The following MOBP variants were observed in gnomAD, a reference collection of about 807,000 sequenced individuals.
MOBP encodes the protein myelin-associated oligodendrocyte basic protein.
In MOBP, 5 loss-of-function variants were observed where a neutral mutation model predicts 15.0. That is an observed-to-expected ratio of 0.33 (90% confidence interval 0.17 to 0.70). The LOEUF is 0.70. Ranked by LOEUF, MOBP falls within the 30% of genes least tolerant of loss-of-function variation. The probability of loss-of-function intolerance (pLI) is 0.67; values close to 1 mark genes in which losing one functional copy is unlikely to be tolerated. For synonymous variants in MOBP, 88 were observed against 99.0 expected (o/e 0.89, Z 0.66); for missense variants, 188 against 257.8 (o/e 0.73, Z 1.85).
chr3:39,500,153 A>G (rs538720532), intron 2 of MOBP: 3 of 447,172 alleles, frequency 6.7e-6, no homozygotes, highest in Non-Finnish European at 1.3e-5. Flanking sequence ...CAGTAAATGA[A>G]GTTTTTCTGG....
Position 39,489,134 on chromosome 3 carries a change from T to C in MOBP, c.-5+9011T>C, listed in dbSNP as rs78501125. Among the ~76,000 whole-genome samples the C allele has an allele frequency of 1.7e-3, 261 of 152,326 alleles. 3 individuals are homozygous for C. Among genetic ancestry groups the C allele is most frequent in the African/African-American group, 5.9e-3 (247 of 41,564 alleles). Reference sequence around the variant, plus strand: ...CTCAAGGCCTCTGTCTGTAACTGTTTCCTCCCTCATGTATGGGTGGCTCCC... The same window carrying C: ...CTCAAGGCCTCTGTCTGTAACTGTTCCCTCCCTCATGTATGGGTGGCTCCC... On this transcript the variant is annotated intron_variant, in intron 2 of 3. Coordinates refer to ENST00000684792, the MANE Select transcript of MOBP (RefSeq NM_001393704.1).
chr3:39,521,254 C>A (rs1238004137), intron 3 of MOBP, among the ~76,000 whole-genome samples: 1 of 152,116 alleles, frequency 6.6e-6, no homozygotes, highest in African/African-American at 2.4e-5. Context: ...CCTGGCCAGA[C>A]AGCTGTATAT....
chr3:39,521,671 A>C (rs1361004585), intron 3 of MOBP, among the ~76,000 whole-genome samples: 1 of 152,240 alleles, frequency 6.6e-6, no homozygotes, highest in East Asian at 1.9e-4. Flanking sequence ...GTAAAAAATG[A>C]AACAGTATTA....
chr3:39,527,409 C>T (rs1173401783), downstream of MOBP: 3 of 151,194 alleles, frequency 2.0e-5, no homozygotes, highest in African/African-American at 7.3e-5. Flanking sequence ...TCTAGATTCA[C>T]CTTTTATTAC....
At chr3:39,496,066 G>T (rs1305917008) in intron 2 of MOBP, among the ~76,000 whole-genome samples, 3 of 152,114 alleles carry the variant, frequency 2.0e-5, no homozygotes, top group Admixed American at 6.5e-5. Flanking sequence ...AATATGTAAG[G>T]TGTGGTCCTA....
chr3:39,524,000 A>C (rs1024864123), intron 3 of MOBP, among the ~76,000 whole-genome samples: 1 of 152,168 alleles, frequency 6.6e-6, no homozygotes, highest in African/African-American at 2.4e-5. Context: ...AAAAAATTAT[A>C]ATCTAAAGGT....
intron 1 of MOBP, among the ~76,000 whole-genome samples, chr3:39,470,841 T>C (rs753119297): frequency 5.7e-4 from 87 of 152,346 alleles, no homozygotes; most frequent in African/African-American, 2.0e-3. Flanking sequence ...AGTATGATCT[T>C]AAAAGTCTTA....
chr3:39,488,464 T>A (rs1269043281), intron 2 of MOBP, among the ~76,000 whole-genome samples: 3 of 152,188 alleles, frequency 2.0e-5, no homozygotes, highest in African/African-American at 7.2e-5. Context: ...TGACATTCAG[T>A]CTGTCTGCAT....
chr3:39,493,397 T>TC (rs1364000380), intron 2 of MOBP, among the ~76,000 whole-genome samples: 1 of 152,078 alleles, frequency 6.6e-6, no homozygotes, highest in Non-Finnish European at 1.5e-5. Context: ...TTTTTTTTTT[T>TC]CCCTAAAGAG....
chr3:39,527,309 TAAAGAGAATATA>T (rs1364359491), downstream of MOBP: 1 of 152,136 alleles, frequency 6.6e-6, no homozygotes, highest in African/African-American at 2.4e-5. Context: ...AGAAAAAATA[TAAAGAGAATATA>T]AACTAAATTC....
intron 2 of MOBP, among the ~76,000 whole-genome samples, chr3:39,482,902 C>G (rs1275896228): frequency 6.6e-6 from 1 of 152,022 alleles, no homozygotes; most frequent in Non-Finnish European, 1.5e-5. Context: ...GCCTTCTGTC[C>G]CAAACACTCT....
downstream of MOBP, among the ~76,000 whole-genome samples, chr3:39,519,304 A>C (rs1319097277): frequency 6.6e-6 from 1 of 152,106 alleles, no homozygotes; most frequent in African/African-American, 2.4e-5. Context: ...TCTGAGTCAG[A>C]TCTTTTAGCA....
intron 2 of MOBP, among the ~76,000 whole-genome samples, chr3:39,496,766 C>T (rs566146009): frequency 1.4e-4 from 21 of 152,112 alleles, no homozygotes; most frequent in African/African-American, 5.1e-4. Flanking sequence ...CGGGTTCAAG[C>T]GATTCTCCTG....
At chr3:39,475,916 T>C (rs1490032264) in intron 1 of MOBP, among the ~76,000 whole-genome samples, 1 of 152,232 alleles carries the variant, frequency 6.6e-6, no homozygotes, top group East Asian at 1.9e-4. Flanking sequence ...CAAAATTTGG[T>C]TATTACTTGT....
intron 4 of MOBP, among the ~76,000 whole-genome samples, chr3:39,510,489 G>C (rs1368119234): frequency 6.6e-6 from 1 of 151,828 alleles, no homozygotes; most frequent in East Asian, 1.9e-4. Context: ...GTCTTTTTTT[G>C]TTTTGTAGTT....
chr3:39,473,473 G>T (rs577297396), intron 1 of MOBP, among the ~76,000 whole-genome samples: 26 of 152,300 alleles, frequency 1.7e-4, no homozygotes, highest in African/African-American at 5.3e-4. Flanking sequence ...CAGGAGAGGC[G>T]TGCTTAAGAT....
At chr3:39,494,820 A>T (rs1335333631) in intron 2 of MOBP, among the ~76,000 whole-genome samples, 1 of 104,390 alleles carries the variant, frequency 9.6e-6, no homozygotes, top group Non-Finnish European at 1.8e-5. Flanking sequence ...TGTTATTATT[A>T]CAGGAAACTG....
At chr3:39,512,257 C>T (rs2043129429) in intron 4 of MOBP, among the ~76,000 whole-genome samples, 1 of 152,120 alleles carries the variant, frequency 6.6e-6, no homozygotes, top group South Asian at 2.1e-4. Context: ...TGGCTGATTG[C>T]AGAGATACTT....
intron 2 of MOBP, among the ~76,000 whole-genome samples, chr3:39,500,964 A>G (rs1261322540): frequency 6.6e-6 from 1 of 152,256 alleles, no homozygotes; most frequent in Non-Finnish European, 1.5e-5. Flanking sequence ...AATTTTGATG[A>G]TCACAAACAG....
Sources: gnomAD v4.1 joint callset for allele counts (sites outside exome capture counted in the v4.1 genomes callset) on GRCh38, gnomAD v4.1.1 for gene constraint, MANE v1.5 for transcripts, NCBI Gene and HGNC (gene_info 2026-07-23, HGNC 2026-07-21) for gene names.